The following CTDNEP1 variants were observed in gnomAD, a reference collection of about 807,000 sequenced individuals.
The protein encoded by CTDNEP1 is C-terminal domain nuclear envelope phosphatase 1.
CTDNEP1 carries 3 observed loss-of-function variants against 30.1 expected under a neutral mutation model. The ratio of observed to expected loss-of-function variants is 0.10; its 90% CI spans 0.05 to 0.26. The LOEUF (loss-of-function observed/expected upper bound fraction) is 0.26, where lower values mean the gene tolerates loss of function less well. Ranked by LOEUF, CTDNEP1 falls within the 10% of genes least tolerant of loss-of-function variation. The probability of loss-of-function intolerance (pLI) is 1.00; values close to 1 mark genes in which losing one functional copy is unlikely to be tolerated. For missense variants in CTDNEP1, 158 were observed against 310.4 expected (o/e 0.51, Z 3.69); for synonymous variants, 123 against 118.8 (o/e 1.04, Z -0.23).
At chr17:7,245,152 C>T (rs1035620471) in intron 6 of CTDNEP1, among the ~76,000 whole-genome samples, 1 of 152,114 alleles carries the variant, frequency 6.6e-6, no homozygotes, top group Non-Finnish European at 1.5e-5. Flanking sequence ...ATTAGCTGCG[C>T]GTGGTGGCAG....
Position 7,247,201 on chromosome 17 carries a change from GA to G in CTDNEP1, c.170-20del, listed in dbSNP as rs762151669. ...ACCTGGGCTGAACCAGAGTGGGGAG[GA>G]ATAATATTGACCGACCTCTGACCCA... is the stretch of plus-strand genomic sequence containing the variant. On this transcript the variant is annotated intron_variant, in intron 2 of 7. Coordinates refer to ENST00000574322, the MANE Select transcript of CTDNEP1 (RefSeq NM_001143775.2). 7.5e-6 allele frequency: 12 copies of G among 1,610,420 alleles called. No individual in the cohort carries two copies. Among genetic ancestry groups the G allele is most frequent in the Non-Finnish European group, 8.5e-6 (10 of 1,176,722 alleles).
At position 7,243,873 on chromosome 17, in the gene CTDNEP1, G is replaced by A. The variant is rs911146302; in HGVS notation, c.*312C>T. On this transcript the variant is annotated 3_prime_UTR_variant, in exon 8 of 8. Coordinates refer to ENST00000574322, the MANE Select transcript of CTDNEP1 (RefSeq NM_001143775.2). ...TTCTCTTTGAGCCTCCTGGATCACC[G>A]TATGTCTGTCACTCTGGCCAGTCCT... 3.1e-5 allele frequency: 34 copies of A among 1,093,444 alleles called. No individual in the cohort carries two copies. The East Asian group carries it at 1.1e-3, about 36-fold the overall frequency. 67.7% of individuals were successfully genotyped at this position (1,093,444 alleles called of 1,614,324 possible). A position where few individuals can be genotyped will look rare whatever the true frequency, so the allele number is the denominator to read the frequency against.
chr17:7,248,513 C>G (rs1358460862), intron 1 of CTDNEP1, among the ~76,000 whole-genome samples: 1 of 151,396 alleles, frequency 6.6e-6, no homozygotes, highest in Non-Finnish European at 1.5e-5. Context: ...GCGCGCGAAC[C>G]ACGCCCAGCT....
In CTDNEP1 at chr17:7,243,937, C is replaced by T. The variant is rs973906013; in HGVS notation, c.*248G>A. 6 of 1,352,170 alleles carry T rather than the reference C, an allele frequency of 4.4e-6. No individual in the cohort carries two copies. Among genetic ancestry groups the T allele is most frequent in the Non-Finnish European group, 5.7e-6 (6 of 1,048,552 alleles). 83.8% of individuals were successfully genotyped at this position (1,352,170 alleles called of 1,614,324 possible). The stretch of plus-strand genomic sequence containing the variant: ...CACTGATTCGGCTCTCCTAGGCTTC[C>T]GCCTGTGTCCCAGTCTGGGGTTTCC... On this transcript the variant is annotated 3_prime_UTR_variant, in exon 8 of 8. Coordinates refer to ENST00000574322, the MANE Select transcript of CTDNEP1 (RefSeq NM_001143775.2).
At chr17:7,248,169 C>A (rs1256626101) in intron 1 of CTDNEP1, among the ~76,000 whole-genome samples, 1 of 135,638 alleles carries the variant, frequency 7.4e-6, no homozygotes, top group African/African-American at 2.8e-5. Context: ...GCTGAGGCAG[C>A]AGAGTGGCTT....
Position 7,250,355 on chromosome 17 carries a change from T to TGAAG in CTDNEP1, c.102+836_102+839dup, listed in dbSNP as rs2071898231. Among the ~76,000 whole-genome samples, 4 of 152,218 alleles carry TGAAG rather than the reference T, an allele frequency of 2.6e-5. No homozygotes were observed. In the South Asian group the frequency reaches 8.3e-4, roughly 32 times the overall value. ...CACATTCATTTAAAGTGCTGTTAGC[T>TGAAG]GAAGGACCTCTGACCTTGGAGAAAA... On this transcript the variant is annotated intron_variant, in intron 1 of 7. Transcript: ENST00000574322.
chr17:7,249,023 G>A (rs1246605928), intron 1 of CTDNEP1, among the ~76,000 whole-genome samples: 1 of 152,156 alleles, frequency 6.6e-6, no homozygotes, highest in East Asian at 1.9e-4. Flanking sequence ...AAGAACACTG[G>A]AAAGCCCCTG....
chr17:7,251,225 G>C lies in CTDNEP1; in HGVS notation c.72C>G (p.Phe24Leu). The C allele has an allele frequency of 6.2e-7, 1 of 1,603,244 alleles. No homozygotes were observed. Among genetic ancestry groups the C allele is most frequent in the Non-Finnish European group, 8.5e-7 (1 of 1,176,024 alleles). The change falls in exon 1 of 8, where the codon TTC becomes TTG. Residue 24 changes from phenylalanine (F) to leucine (L), a missense_variant. Physicochemically the swap from Phe to Leu is conservative, Grantham distance 22 (BLOSUM62 0). Around this residue, in one of 2 missense-constraint regions of CTDNEP1, gnomAD observed 62 missense variants for 81.4 expected, o/e 0.76. Coordinates refer to ENST00000574322, the MANE Select transcript of CTDNEP1 (RefSeq NM_001143775.2). ...VAFAAKLWSF[F>L]IYLLRRQIRT... ...GGATCTGCCTCCGCAGAAGGTAAAT[G>C]AAGAAGCTCCAGAGCTTGGCGGCGA...
At chr17:7,249,408 CA>C (rs2071884321) in intron 1 of CTDNEP1, among the ~76,000 whole-genome samples, 1 of 152,124 alleles carries the variant, frequency 6.6e-6, no homozygotes, top group East Asian at 1.9e-4. Flanking sequence ...ATATGCTGGG[CA>C]TGTAGGGAAT....
chr17:7,248,548 G>A lies in CTDNEP1; in HGVS notation c.103-1205C>T, dbSNP rs187998158. On this transcript the variant is annotated intron_variant, in intron 1 of 7. Coordinates refer to ENST00000574322, the MANE Select transcript of CTDNEP1 (RefSeq NM_001143775.2). ...TAATTTTTGTATTTTTAGTAGAGAC[G>A]GGGTTTCACCATATTGGCCAGGCTG... 8.5e-3 allele frequency among the ~76,000 whole-genome samples: 1,287 copies of A among 151,578 alleles called. 25 individuals carry two copies. Among genetic ancestry groups the A allele is most frequent in the African/African-American group, 0.029 (1,217 of 41,330 alleles).
intron 7 of CTDNEP1, 48 bp from the exon 8 acceptor site, chr17:7,244,293 C>T: frequency 6.3e-7 from 1 of 1,582,382 alleles, no homozygotes. Context: ...TAGTTCATAC[C>T]CTCACAACAC....
intron 3 of CTDNEP1, 42 bp downstream of exon 3, chr17:7,247,022 G>C: frequency 6.6e-7 from 1 of 1,505,004 alleles, no homozygotes. Flanking sequence ...TTTGGGCAGA[G>C]GAACAGATGG....
At chr17:7,250,739 C>G (rs1359315600) in intron 1 of CTDNEP1, among the ~76,000 whole-genome samples, 1 of 152,144 alleles carries the variant, frequency 6.6e-6, no homozygotes, top group African/African-American at 2.4e-5. Flanking sequence ...TTGTTTGTAA[C>G]GTATGCCCTC....
At chr17:7,250,269 T>G (rs1022764081) in intron 1 of CTDNEP1, among the ~76,000 whole-genome samples, 7 of 152,168 alleles carry the variant, frequency 4.6e-5, no homozygotes, top group African/African-American at 1.7e-4. Flanking sequence ...TGTCTCCGCT[T>G]ACTAAATTCT....
At chr17:7,245,482 ATTTT>A in intron 6 of CTDNEP1, among the ~76,000 whole-genome samples, 1 of 151,154 alleles carries the variant, frequency 6.6e-6, no homozygotes, top group Non-Finnish European at 1.5e-5. Context: ...ATAAAAATAA[ATTTT>A]ATTTTTATTT....
chr17:7,244,405 G>A (rs1055899707), intron 7 of CTDNEP1, 146 bp downstream of exon 7: 23 of 1,165,830 alleles, frequency 2.0e-5, no homozygotes, highest in Non-Finnish European at 2.6e-5. Flanking sequence ...AAAGTGATGA[G>A]CTTTGAAGTA....
chr17:7,249,844 G>A (rs979738914), intron 1 of CTDNEP1, among the ~76,000 whole-genome samples: 2 of 152,164 alleles, frequency 1.3e-5, no homozygotes, highest in East Asian at 3.9e-4. Context: ...CCAGGAAGTG[G>A]AGGTTGCAGT....
intron 1 of CTDNEP1, among the ~76,000 whole-genome samples, chr17:7,249,370 A>C (rs1278991174): frequency 6.6e-6 from 1 of 152,144 alleles, no homozygotes; most frequent in African/African-American, 2.4e-5. Context: ...AAAGAGCTCC[A>C]GTGTCCAGCC....
chr17:7,251,525 G>A lies in CTDNEP1; in HGVS notation c.-229C>T, dbSNP rs2071925958. On this transcript the variant is annotated 5_prime_UTR_variant, in exon 1 of 8. Coordinates refer to ENST00000574322, the MANE Select transcript of CTDNEP1 (RefSeq NM_001143775.2). ...GTGGGCAGCCCGCGGGGGCCCACATGGGCTGGGAGTGGCACCGACGGCTTC... is the reference window on the plus strand; with the variant it reads ...GTGGGCAGCCCGCGGGGGCCCACATAGGCTGGGAGTGGCACCGACGGCTTC... 2.7e-6 allele frequency: 1 copy of A among 367,932 alleles called. No individual in the cohort carries two copies. Among genetic ancestry groups the A allele is most frequent in the Non-Finnish European group, 4.8e-6 (1 of 207,656 alleles). 22.8% of individuals were successfully genotyped at this position (367,932 alleles called of 1,614,324 possible). A position where few individuals can be genotyped will look rare whatever the true frequency, so the allele number is the denominator to read the frequency against.
Sources: gnomAD v4.1 joint callset for allele counts (sites outside exome capture counted in the v4.1 genomes callset) on GRCh38, gnomAD v4.1.1 for gene constraint, gnomAD v4.1.1 regional missense constraint, MANE v1.5 for transcripts, NCBI Gene and HGNC (gene_info 2026-07-23, HGNC 2026-07-21) for gene names.